The following PRKDC variants were observed in gnomAD, a reference collection of about 807,000 sequenced individuals.
PRKDC encodes protein kinase, DNA-activated, catalytic subunit.
A neutral mutation model predicts 486.9 loss-of-function variants in PRKDC; 82 were observed. The ratio of observed to expected loss-of-function variants is 0.17; its 90% CI spans 0.14 to 0.20. The LOEUF (loss-of-function observed/expected upper bound fraction) is 0.20. Among genes scored for constraint, PRKDC ranks in the 10% least tolerant of loss-of-function variants. The pLI, the probability that PRKDC is intolerant of heterozygous loss-of-function variation, is 1.00. For missense variants in PRKDC, 4,504 were observed against 5,038.2 expected (o/e 0.89, Z 3.21); for synonymous variants, 1,895 against 1,837.0 (o/e 1.03, Z -0.81).
In PRKDC at chr8:47,782,565, G is replaced by A. The variant is rs756406344; in HGVS notation, c.11209C>T (p.Arg3737Cys). 1.3e-6 allele frequency: 2 copies of A among 1,569,102 alleles called. No homozygotes were observed. Among genetic ancestry groups the A allele is most frequent in the Non-Finnish European group, 1.7e-6 (2 of 1,157,104 alleles). Reference sequence around the variant, plus strand: ...TCGTCATGGCCACGGATGATGATGCGCTTGGGCCTTCGCAGAGACGCCATG... The same window carrying A: ...TCGTCATGGCCACGGATGATGATGCACTTGGGCCTTCGCAGAGACGCCATG... ...TVMASLRRPK[R>C]IIIRGHDERE... The change falls in exon 79 of 86, where the codon CGC becomes TGC. Residue 3737 changes from arginine to cysteine, a missense_variant. Arg to Cys is a radical substitution (Grantham distance 180, BLOSUM62 -3). Around this residue, in one of 6 missense-constraint regions of PRKDC, gnomAD observed 706 missense variants for 945.0 expected, o/e 0.75. Coordinates refer to ENST00000314191, the MANE Select transcript of PRKDC (RefSeq NM_006904.7). This position sits in a 1 kb window ranked among gnomAD's most constrained non-coding sequence, Gnocchi z 4.9.
chr8:47,918,258 A>T lies in PRKDC; in HGVS notation c.2526+19T>A. 1.3e-6 allele frequency: 2 copies of T among 1,496,996 alleles called. No homozygotes were observed. The highest frequency in any genetic ancestry group is 1.8e-6 in the Non-Finnish European group (2 of 1,101,734). The allele number at this position is 1,496,996 out of a possible 1,614,324, so 92.7% of individuals were successfully genotyped here. A position where few individuals can be genotyped will look rare whatever the true frequency, so the allele number is the denominator to read the frequency against. ...TCTCTGCATTATGTAAGGTACAGAA[A>T]ATACAAAGGACTTCTTACTGATGAA... On this transcript the variant is annotated intron_variant, in intron 22 of 85. Coordinates refer to ENST00000314191, the MANE Select transcript of PRKDC (RefSeq NM_006904.7).
At chr8:47,859,372 C>G (rs749965023) in intron 46 of PRKDC, among the ~76,000 whole-genome samples, 11 of 152,148 alleles carry the variant, frequency 7.2e-5, no homozygotes, top group Non-Finnish European at 1.2e-4. Flanking sequence ...CACCTCAGGT[C>G]AGAGCATCTT....
At chr8:47,867,518 G>T (rs1437896606) in intron 40 of PRKDC, among the ~76,000 whole-genome samples, 1 of 152,122 alleles carries the variant, frequency 6.6e-6, no homozygotes, top group East Asian at 1.9e-4. Context: ...TAGCTAAAAT[G>T]AAAAATTTAA....
At chr8:47,789,554 A>G (rs1393028341) in intron 74 of PRKDC, among the ~76,000 whole-genome samples, 1 of 152,110 alleles carries the variant, frequency 6.6e-6, no homozygotes, top group Non-Finnish European at 1.5e-5. Context: ...AACTCATTCT[A>G]CAAGGCCAGT....
At chr8:47,920,107 T>C (rs2090049244) in intron 21 of PRKDC, among the ~76,000 whole-genome samples, 1 of 152,236 alleles carries the variant, frequency 6.6e-6, no homozygotes, top group African/African-American at 2.4e-5. Context: ...AGTTAATCTA[T>C]AATCTATAGA....
chr8:47,904,785 T>A, intron 26 of PRKDC, 84 bp downstream of exon 26: 1 of 1,134,420 alleles, frequency 8.8e-7, no homozygotes, highest in East Asian at 2.4e-5. Context: ...GGAGCAAGAC[T>A]GTCTCAAAAA....
chr8:47,811,998 G>A (rs1483676304), intron 68 of PRKDC, among the ~76,000 whole-genome samples: 1 of 152,024 alleles, frequency 6.6e-6, no homozygotes, highest in African/African-American at 2.4e-5. Context: ...TATTTCCACC[G>A]TGGCATGTGT....
At chr8:47,915,901 G>A (rs1022261789) in intron 22 of PRKDC, among the ~76,000 whole-genome samples, 8 of 152,162 alleles carry the variant, frequency 5.3e-5, no homozygotes, top group Non-Finnish European at 8.8e-5. Flanking sequence ...CTGAACCAGC[G>A]TAGTTTCTTA....
At position 47,794,309 on chromosome 8, in the gene PRKDC, T is replaced by A; in HGVS notation, c.10651A>T (p.Asn3551Tyr). 1 of 1,612,526 alleles carries A rather than the reference T, an allele frequency of 6.2e-7. No homozygotes were observed. Among genetic ancestry groups the A allele is most frequent in the Non-Finnish European group, 8.5e-7 (1 of 1,179,050 alleles). The change falls in exon 74 of 86, where the codon AAT becomes TAT. Residue 3551 changes from asparagine to tyrosine, a missense_variant. Asn to Tyr is a moderately radical substitution (Grantham distance 143, BLOSUM62 -2). Transcript: ENST00000314191. ...ACCTACCTTGCCACAAACTCCTTAT[T>A]CTTATGACCAGTAGAAGTATCCTTG... ...SFKDTSTGHKNKEFVARIKSK... is the reference protein window; with the variant it reads ...SFKDTSTGHKYKEFVARIKSK...
chr8:47,835,768 G>GT (rs2088006694), intron 58 of PRKDC, among the ~76,000 whole-genome samples: 2 of 150,798 alleles, frequency 1.3e-5, no homozygotes, highest in South Asian at 2.1e-4. Context: ...GTTGCTTTTT[G>GT]GTTTTTTTTT....
chr8:47,790,917 T>G (rs138169756), intron 74 of PRKDC, among the ~76,000 whole-genome samples: 5 of 152,100 alleles, frequency 3.3e-5, no homozygotes, highest in African/African-American at 1.2e-4. Context: ...CAAATCCAAA[T>G]AGATTAAAGA....
chr8:47,775,836 T>C (rs1322574049), intron 85 of PRKDC, among the ~76,000 whole-genome samples: 3 of 151,770 alleles, frequency 2.0e-5, no homozygotes, highest in African/African-American at 4.8e-5. Context: ...TTTTTTTTTT[T>C]TTCTGAGGCA....
Position 47,789,252 on chromosome 8 carries a change from T to C in PRKDC, c.10671-14A>G. 1 of 1,519,910 alleles carries C rather than the reference T, an allele frequency of 6.6e-7. No individual in the cohort carries two copies. Among genetic ancestry groups the C allele is most frequent in the Non-Finnish European group, 8.9e-7 (1 of 1,128,034 alleles). The allele number at this position is 1,519,910 out of a possible 1,614,324, so 94.2% of individuals were successfully genotyped here. ...TTACTTTTAATCCTATTTAAAAAAA[T>C]TTACAAAGTTTAGGCAATCAAATAT... On this transcript the variant is annotated splice_polypyrimidine_tract_variant and intron_variant, in intron 74 of 85. Transcript: ENST00000314191.
At chr8:47,939,976 A>C in intron 10 of PRKDC, 2 of 211,178 alleles carry the variant, frequency 9.5e-6, no homozygotes, top group Non-Finnish European at 1.9e-5. Context: ...AAAAACCAAA[A>C]ACAGGTTTTG....
chr8:47,827,081 A>G (rs1293512375), intron 62 of PRKDC, among the ~76,000 whole-genome samples: 1 of 151,570 alleles, frequency 6.6e-6, no homozygotes, highest in Non-Finnish European at 1.5e-5. Flanking sequence ...CCAGGGATCA[A>G]TTTAAAGCAA....
chr8:47,959,172 G>A (rs533650709), intron 1 of PRKDC: 62 of 152,202 alleles, frequency 4.1e-4, no homozygotes, highest in African/African-American at 1.4e-3. Context: ...AAGGAATACA[G>A]GAGATCCACA....
In PRKDC at chr8:47,960,016, GC is replaced by G; in HGVS notation, c.110del (p.Gly37AlafsTer8). Reference sequence around the variant, plus strand: ...TGCTCAGGACGCATTCCTGCCCCAGGCCGCGGATCAGTTGATGACCGGCCAG... The same window carrying G: ...TGCTCAGGACGCATTCCTGCCCCAGGCGCGGATCAGTTGATGACCGGCCAG... The part of the protein sequence containing the change: ...AALAGHQLIR[G>X]LGQECVLSSS... On this transcript the variant is annotated frameshift_variant, in exon 1 of 86. Transcript: ENST00000314191. LOFTEE classifies it high-confidence loss of function. 6.5e-7 allele frequency: 1 copy of G among 1,534,618 alleles called. No homozygotes were observed. Among genetic ancestry groups the G allele is most frequent in the Non-Finnish European group, 8.7e-7 (1 of 1,146,622 alleles).
At chr8:47,912,588 T>C (rs772927583) in intron 24 of PRKDC, 26 bp from the exon 25 acceptor site, 2 of 1,546,780 alleles carry the variant, frequency 1.3e-6, no homozygotes, top group African/African-American at 1.4e-5. Context: ...AGGTCAGCAA[T>C]GTTTAAGTTA....
At chr8:47,893,594 A>G (rs1168119204) in intron 30 of PRKDC, among the ~76,000 whole-genome samples, 1 of 152,206 alleles carries the variant, frequency 6.6e-6, no homozygotes, top group African/African-American at 2.4e-5. Flanking sequence ...ATAGTTGGAC[A>G]CCATTTGGAG....
Sources: gnomAD v4.1 joint callset for allele counts (sites outside exome capture counted in the v4.1 genomes callset) on GRCh38, gnomAD v4.1.1 for gene constraint, gnomAD v4.1.1 regional missense constraint, Gnocchi (gnomAD v3.1) non-coding constraint, MANE v1.5 for transcripts, NCBI Gene and HGNC (gene_info 2026-07-23, HGNC 2026-07-21) for gene names.